Variants in PI4KA observed in about 807,000 individuals in gnomAD.
PI4KA encodes the protein phosphatidylinositol 4-kinase alpha.
A neutral mutation model predicts 271.4 loss-of-function variants in PI4KA; 122 were observed. The ratio of observed to expected loss-of-function variants is 0.45; its 90% CI spans 0.39 to 0.52. The LOEUF is 0.52. Among genes scored for constraint, PI4KA ranks in the 20% least tolerant of loss-of-function variants. The pLI is 0.00. For missense variants in PI4KA, 1,969 were observed against 2,769.1 expected (o/e 0.71, Z 6.48); for synonymous variants, 1,041 against 1,078.8 (o/e 0.96, Z 0.69).
intron 19 of PI4KA, among the ~76,000 whole-genome samples, chr22:20,767,595 A>G (rs1276050570): frequency 1.3e-5 from 2 of 151,872 alleles, no homozygotes; most frequent in Non-Finnish European, 2.9e-5. Flanking sequence ...TCCCAGTAGC[A>G]GGGAGGACAG....
At chr22:20,822,838 G>A (rs944918260) in intron 4 of PI4KA, among the ~76,000 whole-genome samples, 12 of 152,202 alleles carry the variant, frequency 7.9e-5, no homozygotes, top group Admixed American at 3.9e-4. Context: ...TCATAACCAA[G>A]TCAAATCTCT....
rs748100688 is a variant in PI4KA, at chr22:20,801,956, C to T, written c.1724+17G>A. 2.5e-5 allele frequency: 40 copies of T among 1,613,458 alleles called. No homozygotes were observed. Among genetic ancestry groups the T allele is most frequent in the African/African-American group, 9.3e-5 (7 of 74,886 alleles). On this transcript the variant is annotated intron_variant, in intron 14 of 54. Transcript: ENST00000255882. ...CTGGAGCACTGCTGTCTACTCGCCA[C>T]TTGCCCAGCTTCCCACCTGCAGATG... is the stretch of plus-strand genomic sequence containing the variant.
rs1282838350 is a variant in PI4KA at position 20,749,793 on chromosome 22, A to AGTC, written c.3243+109_3243+111dup. The AGTC allele has an allele frequency of 4.3e-6, 3 of 698,556 alleles. No homozygotes were observed. The African/African-American group carries it at 5.2e-5, about 12-fold the overall frequency. 43.3% of individuals were successfully genotyped at this position (698,556 alleles called of 1,614,324 possible). A position where few individuals can be genotyped will look rare whatever the true frequency, so the allele number is the denominator to read the frequency against. On this transcript the variant is annotated intron_variant, in intron 28 of 54. Coordinates refer to ENST00000255882, the MANE Select transcript of PI4KA (RefSeq NM_058004.4). ...TCTCAGGCCCTAGACTGATGCTTCC[A>AGTC]GTCTCCATTCACACTAGTGCTATTT...
chr22:20,808,589 CA>C (rs361792), intron 9 of PI4KA, among the ~76,000 whole-genome samples: 52,625 of 104,492 alleles, frequency 0.5, 9,724 homozygotes, highest in African/African-American at 0.58. Context: ...GACTCCGTCT[CA>C]AAAAAAAAAA....
At chr22:20,767,000 T>C (rs1932595517) in intron 19 of PI4KA, among the ~76,000 whole-genome samples, 1 of 152,120 alleles carries the variant, frequency 6.6e-6, no homozygotes, top group African/African-American at 2.4e-5. Flanking sequence ...TCCCCACATA[T>C]TTCACCCAAA....
intron 42 of PI4KA, 48 bp from the exon 43 acceptor site, chr22:20,721,466 A>C: frequency 6.2e-7 from 1 of 1,601,984 alleles, no homozygotes; most frequent in Non-Finnish European, 8.5e-7. Context: ...CCTCTCCATG[A>C]GGAGGGCCTT....
At chr22:20,846,263 CAAAAAAAAA>C (rs361641) in intron 1 of PI4KA, among the ~76,000 whole-genome samples, 5 of 82,098 alleles carry the variant, frequency 6.1e-5, no homozygotes, top group South Asian at 4.1e-4. Context: ...GACTCTATCT[CAAAAAAAAA>C]AAAAAAAAAA....
chr22:20,711,245 G>C lies in PI4KA; in HGVS notation c.5923+96C>G, dbSNP rs1925231811. On this transcript the variant is annotated intron_variant, in intron 51 of 54. Coordinates refer to ENST00000255882, the MANE Select transcript of PI4KA (RefSeq NM_058004.4). Reference sequence around the variant, plus strand: ...GGACCCTGACACTCCTGGCAGGGTGGTCCTGGGCATTCTCCTCTCTGTGGG... The same window carrying C: ...GGACCCTGACACTCCTGGCAGGGTGCTCCTGGGCATTCTCCTCTCTGTGGG... 2.3e-5 allele frequency: 18 copies of C among 769,452 alleles called. 1 individual carries two copies. In the South Asian group the frequency reaches 2.7e-4, roughly 11 times the overall value. The allele number at this position is 769,452 out of a possible 1,614,324, so 47.7% of individuals were successfully genotyped here.
intron 19 of PI4KA, among the ~76,000 whole-genome samples, chr22:20,791,391 C>T (rs1426252249): frequency 6.6e-6 from 1 of 152,184 alleles, no homozygotes; most frequent in East Asian, 1.9e-4. Flanking sequence ...CCACATACAA[C>T]AGCACTTTAA....
intron 9 of PI4KA, among the ~76,000 whole-genome samples, chr22:20,808,386 G>A (rs1935790596): frequency 6.6e-6 from 1 of 151,622 alleles, no homozygotes; most frequent in Non-Finnish European, 1.5e-5. Flanking sequence ...GAGTTCAGGA[G>A]TTCAAGACCA....
Position 20,803,253 on chromosome 22 carries a change from A to G in PI4KA, c.1529T>C (p.Phe510Ser). 1 of 1,614,136 alleles carries G rather than the reference A, an allele frequency of 6.2e-7. No homozygotes were observed. Among genetic ancestry groups the G allele is most frequent in the African/African-American group, 1.3e-5 (1 of 75,046 alleles). ...CAGAACTGGGGACGGGATGACCAGG[A>G]AGTCTCGCAAGGACGGTGTCACAGA... The part of the protein sequence containing the change: ...VHSVTPSLRD[F>S]LVIPSPVLVK... Residue 510 changes from phenylalanine (F) to serine (S), a missense_variant, in exon 13 of 55, where the codon TTC (phenylalanine) becomes TCC (serine). Phe to Ser is a radical substitution (Grantham distance 155, BLOSUM62 -2). This residue lies in a region of PI4KA where 228 missense variants were observed against 261.6 expected (regional missense o/e 0.87). Coordinates refer to ENST00000255882, the MANE Select transcript of PI4KA (RefSeq NM_058004.4).
chr22:20,774,191 G>A (rs985480279), intron 19 of PI4KA: 26 of 152,268 alleles, frequency 1.7e-4, no homozygotes, highest in African/African-American at 6.0e-4. Flanking sequence ...ATTATTTTTG[G>A]TGTTTACGGA....
At chr22:20,771,455 A>G (rs1440599365) in intron 19 of PI4KA, among the ~76,000 whole-genome samples, 2 of 151,954 alleles carry the variant, frequency 1.3e-5, no homozygotes, top group Non-Finnish European at 2.9e-5. Flanking sequence ...AGCTGTTACC[A>G]CTAAATGGGA....
intron 22 of PI4KA, chr22:20,764,585 CAG>C (rs1182322256): frequency 2.1e-6 from 1 of 481,822 alleles, no homozygotes; most frequent in African/African-American, 2.0e-5. Flanking sequence ...TGTTTCCTAT[CAG>C]AGAGAAGATG....
chr22:20,824,779 CAA>C (rs1491319952), intron 3 of PI4KA, among the ~76,000 whole-genome samples: 16 of 124,478 alleles, frequency 1.3e-4, no homozygotes, highest in South Asian at 2.5e-4. Flanking sequence ...CACACACACA[CAA>C]AACACTCGGC....
chr22:20,712,829 G>C (rs766999450), intron 48 of PI4KA, 32 bp from the exon 49 acceptor site: 6 of 1,550,544 alleles, frequency 3.9e-6, no homozygotes, highest in Middle Eastern at 4.3e-4. Context: ...GATGCGGTCA[G>C]TTGGCGTCCT....
chr22:20,852,283 G>C (rs1569103552), intron 1 of PI4KA, among the ~76,000 whole-genome samples: 2 of 152,190 alleles, frequency 1.3e-5, no homozygotes, highest in South Asian at 2.1e-4. Flanking sequence ...GCAGAAAAGA[G>C]AATCTGCAGT....
intron 5 of PI4KA, 78 bp from the exon 6 acceptor site, chr22:20,819,978 T>C (rs934240602): frequency 1.1e-5 from 14 of 1,261,136 alleles, no homozygotes; most frequent in African/African-American, 8.9e-5. Flanking sequence ...ACTTGTAACA[T>C]TGACTAAGAT....
At chr22:20,819,340 G>C (rs1281866624) in intron 6 of PI4KA, among the ~76,000 whole-genome samples, 3 of 151,312 alleles carry the variant, frequency 2.0e-5, no homozygotes, top group Admixed American at 2.0e-4. Flanking sequence ...ATGGATAAGA[G>C]AGTAAGTCTT....
Sources: allele counts gnomAD v4.1 joint callset (sites outside exome capture counted in the v4.1 genomes callset), GRCh38; gene constraint gnomAD v4.1.1; regional missense constraint gnomAD v4.1.1; transcripts MANE v1.5; gene names NCBI Gene and HGNC (gene_info 2026-07-23, HGNC 2026-07-21).